CNTNAP5: variants seen among roughly 807,000 people sequenced by gnomAD.
The protein encoded by CNTNAP5 is contactin associated protein family member 5.
A neutral mutation model predicts 150.2 loss-of-function variants in CNTNAP5; 72 were observed. That is an observed-to-expected ratio of 0.48 (90% CI 0.40 to 0.58). The LOEUF is 0.58. Among genes scored for constraint, CNTNAP5 ranks in the 20% least tolerant of loss-of-function variants. CNTNAP5 has a pLI of 0.00. For missense variants in CNTNAP5, 1,636 were observed against 1,626.2 expected (o/e 1.01, Z -0.10); for synonymous variants, 672 against 619.8 (o/e 1.08, Z -1.25).
intron 13 of CNTNAP5, among the ~76,000 whole-genome samples, chr2:124,695,235 C>T (rs2105083558): frequency 6.6e-6 from 1 of 152,256 alleles, no homozygotes; most frequent in South Asian, 2.1e-4. Flanking sequence ...TGGACCTGAG[C>T]AGAAGTGTGC....
intron 3 of CNTNAP5, among the ~76,000 whole-genome samples, chr2:124,336,514 T>C (rs1689472813): frequency 1.8e-5 from 2 of 109,262 alleles, no homozygotes; most frequent in African/African-American, 7.1e-5. Context: ...CCTAATGCTA[T>C]CCCTCCCCCC....
rs371004710 is a variant in CNTNAP5 at position 124,609,713 on chromosome 2, G to A, written c.1757-88G>A. 6.7e-4 allele frequency: 965 copies of A among 1,447,592 alleles called. 11 individuals carry two copies. In the South Asian group the frequency reaches 0.011, roughly 16 times the overall value. 89.7% of individuals were successfully genotyped at this position (1,447,592 alleles called of 1,614,324 possible). A position where few individuals can be genotyped will look rare whatever the true frequency, so the allele number is the denominator to read the frequency against. On this transcript the variant is annotated intron_variant, in intron 11 of 23. Transcript: ENST00000682447. ...AGAAGGAGGGAAATGAATACACATA[G>A]AGCAAATCTAAGTAGGAGTTACTGA... is the stretch of plus-strand genomic sequence containing the variant.
chr2:124,829,371 G>A (rs1007569167), intron 19 of CNTNAP5, among the ~76,000 whole-genome samples: 5 of 152,104 alleles, frequency 3.3e-5, no homozygotes, highest in African/African-American at 1.2e-4. Context: ...TAGGAAGGTC[G>A]GTGATCTTCA....
At chr2:124,831,205 C>G (rs372753654) in intron 19 of CNTNAP5, among the ~76,000 whole-genome samples, 3 of 151,926 alleles carry the variant, frequency 2.0e-5, no homozygotes, top group Non-Finnish European at 4.4e-5. Context: ...ATGACTTACC[C>G]AGACCATTTA....
intron 1 of CNTNAP5, among the ~76,000 whole-genome samples, chr2:124,042,207 A>G (rs936451261): frequency 1.8e-4 from 27 of 152,318 alleles, no homozygotes; most frequent in Non-Finnish European, 2.9e-4. Context: ...TTAGACTTAT[A>G]GAGAGATATA....
At chr2:124,837,169 A>T (rs1682846713) in intron 19 of CNTNAP5, among the ~76,000 whole-genome samples, 3 of 150,890 alleles carry the variant, frequency 2.0e-5, no homozygotes, top group African/African-American at 7.4e-5. Context: ...GATTTTCCAG[A>T]GTATGACTAT....
At chr2:124,891,506 C>T (rs1328674520) in intron 21 of CNTNAP5, among the ~76,000 whole-genome samples, 2 of 152,038 alleles carry the variant, frequency 1.3e-5, no homozygotes, top group African/African-American at 4.8e-5. Flanking sequence ...AATATGCAGG[C>T]ACTATATTCA....
chr2:124,717,634 T>G (rs1221782447), intron 13 of CNTNAP5, among the ~76,000 whole-genome samples: 2 of 152,186 alleles, frequency 1.3e-5, no homozygotes, highest in East Asian at 3.9e-4. Context: ...TTTAAAGAAT[T>G]GAACGATGCA....
intron 18 of CNTNAP5, among the ~76,000 whole-genome samples, chr2:124,797,460 G>A (rs1314902476): frequency 1.3e-5 from 2 of 152,136 alleles, no homozygotes; most frequent in African/African-American, 4.8e-5. Flanking sequence ...CTATATTTTG[G>A]AACTGAGTAC....
At chr2:124,288,855 A>G (rs1164455587) in intron 3 of CNTNAP5, among the ~76,000 whole-genome samples, 2 of 152,226 alleles carry the variant, frequency 1.3e-5, no homozygotes, top group East Asian at 1.9e-4. Flanking sequence ...CAGTGACTGG[A>G]AAGTCAGAGA....
intron 3 of CNTNAP5, among the ~76,000 whole-genome samples, chr2:124,407,523 C>T (rs2104764870): frequency 6.6e-6 from 1 of 152,204 alleles, no homozygotes; most frequent in Admixed American, 6.5e-5. Flanking sequence ...AGGGGAGTTG[C>T]TAGAGACTCA....
At chr2:124,250,628 G>C (rs1687148211) in intron 3 of CNTNAP5, among the ~76,000 whole-genome samples, 1 of 151,932 alleles carries the variant, frequency 6.6e-6, no homozygotes, top group Non-Finnish European at 1.5e-5. Flanking sequence ...CATTCGCATA[G>C]AGTCCTGGCA....
At chr2:124,571,418 AC>A in intron 11 of CNTNAP5, among the ~76,000 whole-genome samples, 1 of 152,152 alleles carries the variant, frequency 6.6e-6, no homozygotes, top group African/African-American at 2.4e-5. Context: ...TAAATAAAGT[AC>A]TACGGAAAGT....
intron 1 of CNTNAP5, among the ~76,000 whole-genome samples, chr2:124,051,892 A>G (rs991149452): frequency 6.6e-6 from 1 of 152,172 alleles, no homozygotes; most frequent in Non-Finnish European, 1.5e-5. Context: ...GTCTCAAACT[A>G]TCTGTGATAA....
chr2:124,540,841 A>G (rs2104905752), intron 10 of CNTNAP5, among the ~76,000 whole-genome samples: 1 of 152,282 alleles, frequency 6.6e-6, no homozygotes, highest in African/African-American at 2.4e-5. Context: ...GAACCAAATA[A>G]TCATGGAAAT....
At chr2:124,337,216 G>T (rs879397614) in intron 3 of CNTNAP5, among the ~76,000 whole-genome samples, 7 of 152,112 alleles carry the variant, frequency 4.6e-5, no homozygotes, top group Non-Finnish European at 1.0e-4. Context: ...TGTTGATGGG[G>T]TTGTTTGTTT....
chr2:124,796,590 T>A (rs1393286116), intron 18 of CNTNAP5, among the ~76,000 whole-genome samples: 1 of 152,248 alleles, frequency 6.6e-6, no homozygotes, highest in East Asian at 1.9e-4. Flanking sequence ...CTAGGCAATA[T>A]GCATAAATAT....
intron 1 of CNTNAP5, among the ~76,000 whole-genome samples, chr2:124,137,248 GA>G (rs1193078953): frequency 2.0e-5 from 3 of 149,254 alleles, no homozygotes; most frequent in Non-Finnish European, 4.5e-5. Flanking sequence ...ATGAATATAT[GA>G]AAAAAAAATA....
At chr2:124,358,438 G>T (rs944459400) in intron 3 of CNTNAP5, among the ~76,000 whole-genome samples, 2 of 152,152 alleles carry the variant, frequency 1.3e-5, no homozygotes, top group Non-Finnish European at 2.9e-5. Context: ...TTGGCTGTGG[G>T]TGTGTCATAG....
Sources: allele counts gnomAD v4.1 joint callset (sites outside exome capture counted in the v4.1 genomes callset), GRCh38; gene constraint gnomAD v4.1.1; transcripts MANE v1.5; gene names NCBI Gene and HGNC (gene_info 2026-07-23, HGNC 2026-07-21).